The following CDKL1 variants were observed in gnomAD, a reference collection of about 807,000 sequenced individuals.
CDKL1 encodes the protein cyclin dependent kinase like 1.
A neutral mutation model predicts 42.0 loss-of-function variants in CDKL1; 41 were observed. The observed-to-expected ratio is 0.98, with a 90% confidence interval of 0.76 to 1.27. The LOEUF (loss-of-function observed/expected upper bound fraction) is 1.27. Among genes scored for constraint, CDKL1 ranks in the 50% most tolerant of loss-of-function variants. CDKL1 has a pLI of 0.00. For synonymous variants in CDKL1, 153 were observed against 158.6 expected, an observed-to-expected ratio of 0.96 and a Z score of 0.26; for missense variants, 394 against 428.4, an observed-to-expected ratio of 0.92 and a Z score of 0.71.
intron 7 of CDKL1, chr14:50,336,199 G>C (rs753418653): frequency 1.5e-6 from 2 of 1,352,520 alleles, no homozygotes; most frequent in South Asian, 1.2e-5. Context: ...CCCTCTGTCA[G>C]GGTTACTGAC....
At chr14:50,390,030 A>T (rs973658969) in intron 2 of CDKL1, 1 of 611,466 alleles carries the variant, frequency 1.6e-6, no homozygotes, top group Non-Finnish European at 3.0e-6. Context: ...TAGTGTAACG[A>T]TATCTACCTT....
At chr14:50,396,564 G>A (rs949845074) in intron 1 of CDKL1, among the ~76,000 whole-genome samples, 6 of 152,340 alleles carry the variant, frequency 3.9e-5, no homozygotes, top group Non-Finnish European at 7.3e-5. Flanking sequence ...GCTGGCTGGA[G>A]TACGGGGAGG....
chr14:50,336,392 G>T (rs1177668673), intron 7 of CDKL1, among the ~76,000 whole-genome samples: 1 of 152,124 alleles, frequency 6.6e-6, no homozygotes, highest in Non-Finnish European at 1.5e-5. Flanking sequence ...GAAATCACTA[G>T]GGATATTTAG....
At chr14:50,396,949 G>T, upstream of CDKL1, 1 of 502,868 alleles carries the variant, frequency 2.0e-6, no homozygotes, top group Non-Finnish European at 2.9e-6. Context: ...CCTGGGCGGG[G>T]CCGCCGCGCC....
At chr14:50,371,056 A>T (rs1437348589) in intron 2 of CDKL1, among the ~76,000 whole-genome samples, 1 of 152,186 alleles carries the variant, frequency 6.6e-6, no homozygotes, top group Non-Finnish European at 1.5e-5. Flanking sequence ...CCCCAATTTC[A>T]TCCATGTTGT....
At chr14:50,348,149 A>G (rs146595997) in intron 3 of CDKL1, among the ~76,000 whole-genome samples, 1 of 152,328 alleles carries the variant, frequency 6.6e-6, no homozygotes, top group East Asian at 1.9e-4. Context: ...TAACTTAACA[A>G]TCCTAGAAAG....
At chr14:50,369,870 C>T (rs754050706) in intron 2 of CDKL1, among the ~76,000 whole-genome samples, 5 of 152,090 alleles carry the variant, frequency 3.3e-5, no homozygotes, top group Admixed American at 6.6e-5. Flanking sequence ...CCGCCCACCC[C>T]AGCCTCCCAA....
chr14:50,375,096 T>C (rs959667135), intron 2 of CDKL1, among the ~76,000 whole-genome samples: 20 of 151,994 alleles, frequency 1.3e-4, no homozygotes, highest in African/African-American at 4.8e-4. Flanking sequence ...CCGGAACTTA[T>C]TAAAAAAAAT....
chr14:50,336,799 C>T (rs553872592), intron 7 of CDKL1, among the ~76,000 whole-genome samples: 32 of 151,764 alleles, frequency 2.1e-4, no homozygotes, highest in Middle Eastern at 6.8e-3. Context: ...AAAATCCCAC[C>T]CAAAAGAGAT....
intron 2 of CDKL1, among the ~76,000 whole-genome samples, chr14:50,377,161 T>C (rs2034756792): frequency 6.6e-6 from 1 of 152,226 alleles, no homozygotes; most frequent in East Asian, 1.9e-4. Context: ...CTGCAGCAGC[T>C]AGCTTTGTGC....
Position 50,390,345 on chromosome 14 carries a change from G to T in CDKL1, c.168+5356C>A, listed in dbSNP as rs578148763. On this transcript the variant is annotated intron_variant, in intron 2 of 9. Transcript: ENST00000395834. ...TGTCCTGTCCTTGACCTCCAACTCC[G>T]CTAGGAGCATCTACTTTTTCTGCCA... 2.2e-6 allele frequency: 3 copies of T among 1,366,256 alleles called. No homozygotes were observed. In the Admixed American group the frequency reaches 5.7e-5, roughly 26 times the overall value. 84.6% of individuals were successfully genotyped at this position (1,366,256 alleles called of 1,614,324 possible). A position where few individuals can be genotyped will look rare whatever the true frequency, so the allele number is the denominator to read the frequency against.
chr14:50,337,069 C>T (rs1416697190), intron 7 of CDKL1, among the ~76,000 whole-genome samples: 3 of 152,096 alleles, frequency 2.0e-5, no homozygotes, highest in Non-Finnish European at 2.9e-5. Flanking sequence ...AGTGTACTGA[C>T]GTGATCTCGG....
intron 2 of CDKL1, chr14:50,377,660 G>C (rs960247405): frequency 7.4e-7 from 1 of 1,355,688 alleles, no homozygotes; most frequent in Non-Finnish European, 9.8e-7. Flanking sequence ...AGCCCAGGGA[G>C]GTGTAGCAAC....
intron 4 of CDKL1, chr14:50,342,663 T>C: frequency 4.1e-6 from 1 of 242,824 alleles, no homozygotes; most frequent in South Asian, 6.7e-5. Flanking sequence ...GGGAAAATGT[T>C]GAAAGGTCCG....
At chr14:50,389,097 CAAAAAAAAAAA>C (rs57448948) in intron 2 of CDKL1, among the ~76,000 whole-genome samples, 4 of 90,486 alleles carry the variant, frequency 4.4e-5, no homozygotes, top group South Asian at 3.9e-4. Context: ...AGACTGTCTT[CAAAAAAAAAAA>C]AAAAAAAAAA....
intron 2 of CDKL1, among the ~76,000 whole-genome samples, chr14:50,387,835 A>T (rs1462489191): frequency 6.6e-6 from 1 of 152,228 alleles, no homozygotes; most frequent in East Asian, 1.9e-4. Flanking sequence ...AATGACCCCT[A>T]TTAGCAAAAG....
chr14:50,376,501 C>G, intron 2 of CDKL1: 1 of 367,942 alleles, frequency 2.7e-6, no homozygotes, highest in Non-Finnish European at 5.7e-6. Flanking sequence ...ATATTCAGAC[C>G]AGGAAATAAT....
Position 50,362,970 on chromosome 14 carries a change from G to A in CDKL1, c.169-3821C>T, listed in dbSNP as rs1034704789. 4.9e-5 allele frequency: 23 copies of A among 465,164 alleles called. No homozygotes were observed. The East Asian group carries it at 9.8e-4, about 20-fold the overall frequency. The allele number at this position is 465,164 out of a possible 1,614,324, so 28.8% of individuals were successfully genotyped here. The stretch of plus-strand genomic sequence containing the variant: ...TTGCTGCTGCTCACGCTTTGGGTCC[G>A]CACTGCTGTAACACTTATGGCAAAG... On this transcript the variant is annotated intron_variant, in intron 2 of 9. Coordinates refer to ENST00000395834, the MANE Select transcript of CDKL1 (RefSeq NM_004196.7).
chr14:50,384,381 G>C (rs750797112), intron 2 of CDKL1, among the ~76,000 whole-genome samples: 10 of 152,214 alleles, frequency 6.6e-5, no homozygotes, highest in Non-Finnish European at 1.3e-4. Flanking sequence ...TTAAGGTCAA[G>C]AGATCTCATT....
Sources: allele counts gnomAD v4.1 joint callset (sites outside exome capture counted in the v4.1 genomes callset), GRCh38; gene constraint gnomAD v4.1.1; transcripts MANE v1.5; gene names NCBI Gene and HGNC (gene_info 2026-07-23, HGNC 2026-07-21).